Variants in ZNF33B observed in about 807,000 individuals in gnomAD.
ZNF33B encodes the protein zinc finger protein 11b (KOX 2).
A neutral mutation model predicts 45.8 loss-of-function variants in ZNF33B; 29 were observed. The observed-to-expected ratio is 0.63, with a 90% CI of 0.47 to 0.86. The LOEUF (loss-of-function observed/expected upper bound fraction) is 0.86. Ranked by LOEUF, ZNF33B falls within the 40% of genes least tolerant of loss-of-function variation. The probability of loss-of-function intolerance (pLI) is 0.00; values close to 1 mark genes in which losing one functional copy is unlikely to be tolerated. For missense variants in ZNF33B, 831 were observed against 909.9 expected, an observed-to-expected ratio of 0.91 and a Z score of 1.12; for synonymous variants, 305 against 307.8, an observed-to-expected ratio of 0.99 and a Z score of 0.10.
chr10:42,585,875 T>C (rs182658348), downstream of ZNF33B, among the ~76,000 whole-genome samples: 2 of 152,338 alleles, frequency 1.3e-5, no homozygotes, highest in Admixed American at 6.5e-5. Flanking sequence ...CTTCCATTGG[T>C]GCCTTAAAAC....
intron 4 of ZNF33B, among the ~76,000 whole-genome samples, chr10:42,623,276 T>C (rs1225542563): frequency 2.0e-5 from 3 of 152,250 alleles, no homozygotes; most frequent in East Asian, 3.9e-4. Flanking sequence ...AAAACAAATA[T>C]CTGTGTATAT....
At chr10:42,637,301 G>GA (rs1365873222) in intron 1 of ZNF33B, among the ~76,000 whole-genome samples, 1 of 152,114 alleles carries the variant, frequency 6.6e-6, no homozygotes, top group Admixed American at 6.5e-5. Flanking sequence ...TACATTTAAT[G>GA]AAAAAACATT....
At chr10:42,619,252 T>C (rs1042349809) in intron 4 of ZNF33B, among the ~76,000 whole-genome samples, 9 of 152,332 alleles carry the variant, frequency 5.9e-5, no homozygotes, top group East Asian at 3.9e-4. Flanking sequence ...GAAAGTTTTG[T>C]GGCATTTTTA....
chr10:42,630,469 C>T (rs1039987779), intron 4 of ZNF33B, among the ~76,000 whole-genome samples: 2 of 152,136 alleles, frequency 1.3e-5, no homozygotes, highest in African/African-American at 4.8e-5. Context: ...ACTTCAGACT[C>T]GGGAATGTGC....
At chr10:42,619,943 G>T (rs1054144356) in intron 4 of ZNF33B, among the ~76,000 whole-genome samples, 1 of 151,974 alleles carries the variant, frequency 6.6e-6, no homozygotes, top group Non-Finnish European at 1.5e-5. Context: ...GCCAGGTGTG[G>T]TCGGCTCATG....
intron 4 of ZNF33B, among the ~76,000 whole-genome samples, chr10:42,595,793 A>G (rs1837375600): frequency 6.6e-6 from 1 of 152,218 alleles, no homozygotes; most frequent in Non-Finnish European, 1.5e-5. Context: ...CCAAGGAGTG[A>G]GAACTCACCA....
At chr10:42,636,806 C>A in intron 2 of ZNF33B, 114 bp downstream of exon 2, 1 of 1,452,978 alleles carries the variant, frequency 6.9e-7, no homozygotes, top group Non-Finnish European at 9.6e-7. Context: ...CCAGCCTGGG[C>A]GACAGAGCGA....
chr10:42,635,856 C>A (rs527961919), intron 2 of ZNF33B, among the ~76,000 whole-genome samples: 1 of 145,240 alleles, frequency 6.9e-6, no homozygotes, highest in Non-Finnish European at 1.5e-5. Context: ...ATTGGCCGGG[C>A]ACAGTGGCTC....
downstream of ZNF33B, among the ~76,000 whole-genome samples, chr10:42,585,419 G>C (rs1400627183): frequency 6.6e-6 from 1 of 152,178 alleles, no homozygotes; most frequent in Non-Finnish European, 1.5e-5. Flanking sequence ...GAGTTCACAG[G>C]GTGAGCCTGA....
intron 4 of ZNF33B, among the ~76,000 whole-genome samples, chr10:42,598,907 G>A (rs1183620698): frequency 1.3e-5 from 2 of 152,148 alleles, no homozygotes; most frequent in South Asian, 2.1e-4. Flanking sequence ...CTCAAAGAAT[G>A]ATTTAGGAAG....
At chr10:42,601,908 C>CT (rs34431290) in intron 4 of ZNF33B, among the ~76,000 whole-genome samples, 2,062 of 75,374 alleles carry the variant, frequency 0.027, 7 homozygotes, top group African/African-American at 0.057. Context: ...ATGTGATATT[C>CT]TTTTTTTTTT....
intron 4 of ZNF33B, among the ~76,000 whole-genome samples, chr10:42,617,655 G>C (rs1336259120): frequency 6.6e-6 from 1 of 152,092 alleles, no homozygotes; most frequent in East Asian, 1.9e-4. Flanking sequence ...TGGGGATACA[G>C]AACAGTCCCA....
At chr10:42,624,415 A>T (rs1838713731) in intron 4 of ZNF33B, among the ~76,000 whole-genome samples, 1 of 152,204 alleles carries the variant, frequency 6.6e-6, no homozygotes, top group Admixed American at 6.5e-5. Context: ...TATTATAGCT[A>T]TTAATATATA....
intron 4 of ZNF33B, among the ~76,000 whole-genome samples, chr10:42,630,995 A>C (rs11239710): frequency 0.013 from 1,993 of 152,238 alleles, 26 homozygotes; most frequent in Middle Eastern, 0.082. Context: ...ACCCCTGCTG[A>C]AAAGAGGCAG....
intron 4 of ZNF33B, among the ~76,000 whole-genome samples, chr10:42,608,572 G>A (rs1837963070): frequency 6.6e-6 from 1 of 151,674 alleles, no homozygotes; most frequent in Non-Finnish European, 1.5e-5. Context: ...GCAATAAGAA[G>A]GCAAATTAGA....
At chr10:42,625,560 A>C (rs1235111567) in intron 4 of ZNF33B, among the ~76,000 whole-genome samples, 1 of 152,052 alleles carries the variant, frequency 6.6e-6, no homozygotes, top group Non-Finnish European at 1.5e-5. Context: ...GCTCATCACA[A>C]TCTCCGCCTC....
chr10:42,617,977 C>G (rs904738823), intron 4 of ZNF33B, among the ~76,000 whole-genome samples: 3 of 152,160 alleles, frequency 2.0e-5, no homozygotes, highest in Non-Finnish European at 2.9e-5. Context: ...TGTGTGCTCA[C>G]CCTACCCCAA....
chr10:42,638,194 TC>T (rs1197102740), intron 1 of ZNF33B, among the ~76,000 whole-genome samples: 2 of 152,156 alleles, frequency 1.3e-5, no homozygotes, highest in East Asian at 3.9e-4. Context: ...GAACTGCCCC[TC>T]CCGCAAGGCT....
intron 4 of ZNF33B, among the ~76,000 whole-genome samples, chr10:42,604,032 T>G (rs1837737953): frequency 2.0e-5 from 3 of 152,156 alleles, no homozygotes; most frequent in Non-Finnish European, 2.9e-5. Flanking sequence ...ACAAAAAAAT[T>G]ACAACACATA....
Sources: gnomAD v4.1 joint callset for allele counts (sites outside exome capture counted in the v4.1 genomes callset) on GRCh38, gnomAD v4.1.1 for gene constraint, MANE v1.5 for transcripts, NCBI Gene and HGNC (gene_info 2026-07-23, HGNC 2026-07-21) for gene names.